The following PCCA variants were observed in gnomAD, a reference collection of about 807,000 sequenced individuals.
The protein encoded by PCCA is propionyl-CoA carboxylase alpha chain, mitochondrial.
In PCCA, 74 loss-of-function variants were observed where a neutral mutation model predicts 101.3. The observed-to-expected ratio is 0.73, with a 90% CI of 0.61 to 0.89. The LOEUF is 0.89. PCCA is among the 40% of genes least tolerant of loss of function. PCCA has a pLI of 0.00. For missense variants in PCCA, 891 were observed against 907.0 expected, an observed-to-expected ratio of 0.98 and a Z score of 0.23; for synonymous variants, 294 against 313.6, an observed-to-expected ratio of 0.94 and a Z score of 0.66.
chr13:100,475,317 C>T (rs552726057), intron 21 of PCCA, among the ~76,000 whole-genome samples: 1 of 152,292 alleles, frequency 6.6e-6, no homozygotes, highest in East Asian at 1.9e-4. Context: ...TTAGCATTCA[C>T]TCCTCACCCC....
At chr13:100,492,012 GGAAA>G (rs1409252978) in intron 21 of PCCA, among the ~76,000 whole-genome samples, 1 of 152,114 alleles carries the variant, frequency 6.6e-6, no homozygotes, top group Non-Finnish European at 1.5e-5. Context: ...TGGAATGTAG[GGAAA>G]GAATTACTTA....
At chr13:100,418,996 C>T (rs2078566317) in intron 19 of PCCA, among the ~76,000 whole-genome samples, 1 of 151,716 alleles carries the variant, frequency 6.6e-6, no homozygotes, top group African/African-American at 2.4e-5. Context: ...AGCTCTTTCT[C>T]ACCCCAGGGT....
intron 6 of PCCA, among the ~76,000 whole-genome samples, chr13:100,164,742 G>A (rs2054857046): frequency 6.6e-6 from 1 of 152,072 alleles, no homozygotes; most frequent in African/African-American, 2.4e-5. Context: ...TAAGAGTGTG[G>A]CTCAGTGGCT....
At chr13:100,252,175 TA>T (rs907741433) in intron 8 of PCCA, among the ~76,000 whole-genome samples, 9 of 152,222 alleles carry the variant, frequency 5.9e-5, no homozygotes, top group African/African-American at 2.2e-4. Context: ...GAGGTCCTAT[TA>T]CCCATATCAG....
intron 18 of PCCA, among the ~76,000 whole-genome samples, chr13:100,366,020 C>T (rs1400569945): frequency 6.6e-6 from 1 of 152,114 alleles, no homozygotes; most frequent in Non-Finnish European, 1.5e-5. Flanking sequence ...AAGGTGGGTT[C>T]TTACTTTTAA....
At chr13:100,294,340 G>T (rs767601267) in intron 12 of PCCA, among the ~76,000 whole-genome samples, 9 of 152,010 alleles carry the variant, frequency 5.9e-5, no homozygotes, top group Admixed American at 5.9e-4. Context: ...ATTTTGGGGG[G>T]TACACAATTC....
At chr13:100,440,902 A>G (rs973494469) in intron 20 of PCCA, among the ~76,000 whole-genome samples, 1 of 152,178 alleles carries the variant, frequency 6.6e-6, no homozygotes, top group African/African-American at 2.4e-5. Flanking sequence ...CACATCTTAG[A>G]AACAAGCTCA....
At chr13:100,371,573 G>T (rs1207589487) in intron 19 of PCCA, among the ~76,000 whole-genome samples, 1 of 151,974 alleles carries the variant, frequency 6.6e-6, no homozygotes, top group African/African-American at 2.4e-5. Flanking sequence ...TCCATCTCTG[G>T]TGAACAAAAG....
chr13:100,491,469 G>A (rs1172077275), intron 21 of PCCA: 4 of 315,864 alleles, frequency 1.3e-5, no homozygotes, highest in Non-Finnish European at 2.5e-5. Flanking sequence ...TATGCCCCTA[G>A]TCATAGGCAA....
rs2071077823 is a variant in PCCA, at chr13:100,340,126, ATTGATTGATTGG to A, written c.1541-20_1541-9del. Reference sequence around the variant, plus strand: ...GCACAGATGTTAAAATAAATGATTGATTGATTGATTGGTTGATTGATTTCCCTCAGGACACAT... The same window carrying A: ...GCACAGATGTTAAAATAAATGATTGATTGATTGATTTCCCTCAGGACACAT... On this transcript the variant is annotated intron_variant, in intron 17 of 23. Transcript: ENST00000376285. The A allele has an allele frequency of 8.2e-6, 9 of 1,095,736 alleles. No individual in the cohort carries two copies. Among genetic ancestry groups the A allele is most frequent in the Non-Finnish European group, 1.1e-5 (8 of 706,406 alleles). The allele number at this position is 1,095,736 out of a possible 1,614,324, so 67.9% of individuals were successfully genotyped here.
chr13:100,118,527 AC>A (rs2049047046), intron 4 of PCCA, among the ~76,000 whole-genome samples: 1 of 152,164 alleles, frequency 6.6e-6, no homozygotes, highest in Admixed American at 6.5e-5. Context: ...ATTTGACAAG[AC>A]TACTTCATAA....
rs57961819 is a variant in PCCA at position 100,458,294 on chromosome 13, TACACACACACACACACACACAC to T, written c.1899+9019_1899+9040del. On this transcript the variant is annotated intron_variant, in intron 21 of 23. Coordinates refer to ENST00000376285, the MANE Select transcript of PCCA (RefSeq NM_000282.4). ...CTGGGCAACAGTGGGACCCCATCTCTACACACACACACACACACACACACACACACACACACACACACACACA... is the reference window on the plus strand; with the variant it reads ...CTGGGCAACAGTGGGACCCCATCTCTACACACACACACACACACACACACA... Among the ~76,000 whole-genome samples the T allele has an allele frequency of 1.9e-3, 162 of 86,520 alleles. 1 individual carries two copies. Among genetic ancestry groups the T allele is most frequent in the Admixed American group, 3.4e-3 (26 of 7,644 alleles). 56.8% of individuals were successfully genotyped at this position (86,520 alleles called of 152,430 possible).
At chr13:100,319,364 C>T (rs974808086) in intron 16 of PCCA, among the ~76,000 whole-genome samples, 3 of 152,066 alleles carry the variant, frequency 2.0e-5, no homozygotes, top group Non-Finnish European at 4.4e-5. Flanking sequence ...TCAATTTTGG[C>T]TTTTGTTGCC....
chr13:100,430,849 G>A (rs528626629), intron 20 of PCCA, among the ~76,000 whole-genome samples: 1 of 152,280 alleles, frequency 6.6e-6, no homozygotes, highest in East Asian at 1.9e-4. Flanking sequence ...GAAGATGATA[G>A]TCACAATGAG....
intron 6 of PCCA, among the ~76,000 whole-genome samples, chr13:100,187,318 A>G (rs2057364816): frequency 6.6e-6 from 1 of 152,244 alleles, no homozygotes. Flanking sequence ...ATGACTTTGT[A>G]TGTTCAGACC....
At chr13:100,185,867 G>T (rs1039505277) in intron 6 of PCCA, among the ~76,000 whole-genome samples, 1 of 151,956 alleles carries the variant, frequency 6.6e-6, no homozygotes, top group African/African-American at 2.4e-5. Flanking sequence ...GGCTCGTCTC[G>T]AACTCCCGAC....
intron 6 of PCCA, among the ~76,000 whole-genome samples, chr13:100,200,607 C>T (rs2058418956): frequency 6.7e-6 from 1 of 150,280 alleles, no homozygotes; most frequent in Non-Finnish European, 1.5e-5. Context: ...ATGTATATTG[C>T]TTATAATACA....
Position 100,257,643 on chromosome 13 carries a change from T to A in PCCA, c.686T>A (p.Met229Lys), listed in dbSNP as rs375628794. Residue 229 changes from methionine (M) to lysine (K), a missense_variant, in exon 9 of 24, where the codon ATG becomes AAG. Physicochemically the swap from Met to Lys is moderately conservative, Grantham distance 95. Transcript: ENST00000376285. The part of the protein sequence containing the change: ...KASAGGGGKG[M>K]RIAWDDEETR... ...TCAGCAGGTGGTGGTGGGAAAGGCATGCGCATTGCTTGGGATGATGAAGAG... is the reference window on the plus strand; with the variant it reads ...TCAGCAGGTGGTGGTGGGAAAGGCAAGCGCATTGCTTGGGATGATGAAGAG... 6.2e-7 allele frequency: 1 copy of A among 1,613,828 alleles called. No homozygotes were observed. The highest frequency in any genetic ancestry group is 8.5e-7 in the Non-Finnish European group (1 of 1,179,812).
chr13:100,520,584 G>C (rs2087182319), intron 22 of PCCA, among the ~76,000 whole-genome samples: 1 of 135,590 alleles, frequency 7.4e-6, no homozygotes, highest in African/African-American at 2.8e-5. Flanking sequence ...GCAGTGAGCG[G>C]AGATCGCGCC....
Sources: gnomAD v4.1 joint callset for allele counts (sites outside exome capture counted in the v4.1 genomes callset) on GRCh38, gnomAD v4.1.1 for gene constraint, MANE v1.5 for transcripts, NCBI Gene and HGNC (gene_info 2026-07-23, HGNC 2026-07-21) for gene names.